The following KAZN variants were observed in gnomAD, a reference collection of about 807,000 sequenced individuals.
KAZN encodes the protein kazrin.
In KAZN, 40 loss-of-function variants were observed where a neutral mutation model predicts 87.4. The ratio of observed to expected loss-of-function variants is 0.46; its 90% CI spans 0.36 to 0.60. KAZN has a LOEUF of 0.60. Among genes scored for constraint, KAZN ranks in the 20% least tolerant of loss-of-function variants. The probability of loss-of-function intolerance (pLI) is 0.00; values close to 1 mark genes in which losing one functional copy is unlikely to be tolerated. For synonymous variants in KAZN, 466 were observed against 458.3 expected, an observed-to-expected ratio of 1.02 and a Z score of -0.22; for missense variants, 898 against 1,073.9, an observed-to-expected ratio of 0.84 and a Z score of 2.29.
chr1:14,206,730 T>C (rs1178328231), intron 2 of KAZN, among the ~76,000 whole-genome samples: 3 of 150,586 alleles, frequency 2.0e-5, no homozygotes, highest in Admixed American at 2.0e-4. Flanking sequence ...TTCCCTATTC[T>C]GAGAAGCACT....
chr1:14,239,129 G>A (rs1648691718), intron 2 of KAZN, among the ~76,000 whole-genome samples: 1 of 152,116 alleles, frequency 6.6e-6, no homozygotes, highest in African/African-American at 2.4e-5. Flanking sequence ...GATTACGTAA[G>A]CCAAAAACCT....
chr1:14,873,350 T>A (rs1652397974), intron 1 of KAZN, among the ~76,000 whole-genome samples: 1 of 152,246 alleles, frequency 6.6e-6, no homozygotes. Context: ...AAAGAATTTC[T>A]AGTAGCAGTA....
intron 1 of KAZN, among the ~76,000 whole-genome samples, chr1:14,756,371 G>A (rs1228948924): frequency 1.3e-5 from 2 of 152,186 alleles, no homozygotes; most frequent in Admixed American, 6.5e-5. Context: ...GCCAGCTCTA[G>A]TCTTCTGTCA....
chr1:14,156,137 G>A (rs994083169), intron 1 of KAZN, among the ~76,000 whole-genome samples: 4 of 151,936 alleles, frequency 2.6e-5, no homozygotes, highest in East Asian at 1.9e-4. Context: ...CCATGTATTC[G>A]TATAGTTTCC....
intron 2 of KAZN, among the ~76,000 whole-genome samples, chr1:14,374,196 A>G (rs977373023): frequency 4.6e-5 from 7 of 152,222 alleles, no homozygotes; most frequent in African/African-American, 1.7e-4. Flanking sequence ...GTTTAAGATC[A>G]ACAAAATCCC....
At chr1:14,167,303 G>A (rs1012531692) in intron 1 of KAZN, among the ~76,000 whole-genome samples, 1 of 152,194 alleles carries the variant, frequency 6.6e-6, no homozygotes, top group Non-Finnish European at 1.5e-5. Flanking sequence ...TTATCCTAGA[G>A]AGAATCGCCT....
At chr1:14,513,707 C>A (rs187979040) in intron 2 of KAZN, among the ~76,000 whole-genome samples, 1 of 152,016 alleles carries the variant, frequency 6.6e-6, no homozygotes, top group East Asian at 1.9e-4. Context: ...AAAATTGGGA[C>A]CTTATTTCAA....
chr1:14,264,893 T>A (rs1651352504), intron 2 of KAZN, among the ~76,000 whole-genome samples: 1 of 152,222 alleles, frequency 6.6e-6, no homozygotes, highest in Non-Finnish European at 1.5e-5. Context: ...CTCTATATTT[T>A]AAGGTCTGTA....
intron 2 of KAZN, among the ~76,000 whole-genome samples, chr1:14,569,018 CTGAA>C (rs1257418215): frequency 6.6e-6 from 1 of 152,154 alleles, no homozygotes; most frequent in East Asian, 1.9e-4. Context: ...TGAACGTTTG[CTGAA>C]TGAAGGAGCT....
chr1:14,562,778 G>T (rs1231654737), intron 2 of KAZN, among the ~76,000 whole-genome samples: 1 of 152,202 alleles, frequency 6.6e-6, no homozygotes, highest in Non-Finnish European at 1.5e-5. Context: ...ACTTACAGTA[G>T]ATGTTTATTA....
chr1:14,126,389 C>T (rs1014224675), intron 1 of KAZN, among the ~76,000 whole-genome samples: 1 of 138,370 alleles, frequency 7.2e-6, no homozygotes, highest in Non-Finnish European at 1.5e-5. Context: ...TTATTTATTA[C>T]ATTTTAAGAC....
intron 2 of KAZN, among the ~76,000 whole-genome samples, chr1:15,022,616 A>G (rs1396121761): frequency 6.6e-6 from 1 of 152,186 alleles, no homozygotes; most frequent in Non-Finnish European, 1.5e-5. Context: ...GAGCCCACAG[A>G]CATGGCTGGA....
intron 2 of KAZN, among the ~76,000 whole-genome samples, chr1:14,376,074 G>A (rs1445671714): frequency 3.3e-5 from 5 of 152,124 alleles, no homozygotes; most frequent in Non-Finnish European, 5.9e-5. Context: ...GCAAGCAACA[G>A]AAAAGAGGAG....
At chr1:13,963,389 G>A (rs56895065) in intron 1 of KAZN, among the ~76,000 whole-genome samples, 18,982 of 152,202 alleles carry the variant, frequency 0.12, 1,354 homozygotes, top group Middle Eastern at 0.22. Context: ...CTGCAGAAGT[G>A]CTTGTTGGAT....
chr1:14,277,364 G>A (rs930765005), intron 2 of KAZN, among the ~76,000 whole-genome samples: 3 of 151,974 alleles, frequency 2.0e-5, no homozygotes, highest in East Asian at 3.9e-4. Flanking sequence ...AAACCTATAC[G>A]AGTTAGAAAC....
intron 1 of KAZN, among the ~76,000 whole-genome samples, chr1:13,967,029 T>C (rs1641971551): frequency 6.6e-6 from 1 of 152,222 alleles, no homozygotes; most frequent in Non-Finnish European, 1.5e-5. Context: ...AGCTAGACTT[T>C]AAACTTCTTA....
intron 1 of KAZN, among the ~76,000 whole-genome samples, chr1:14,698,016 A>G (rs371762764): frequency 1.3e-5 from 2 of 152,294 alleles, no homozygotes; most frequent in East Asian, 3.9e-4. Context: ...TCGGGAGTAT[A>G]AGGCAAGATT....
intron 1 of KAZN, among the ~76,000 whole-genome samples, chr1:14,075,098 A>C (rs989115434): frequency 6.6e-6 from 1 of 152,192 alleles, no homozygotes; most frequent in East Asian, 1.9e-4. Flanking sequence ...CAGGAATGAA[A>C]TATTTGGCTC....
At chr1:15,048,143 C>T (rs1477496266) in intron 4 of KAZN, among the ~76,000 whole-genome samples, 3 of 152,212 alleles carry the variant, frequency 2.0e-5, no homozygotes, top group Non-Finnish European at 2.9e-5. Context: ...CATCGTCCCT[C>T]CCCCCATGTC....
Sources: allele counts gnomAD v4.1 joint callset (sites outside exome capture counted in the v4.1 genomes callset), GRCh38; gene constraint gnomAD v4.1.1; transcripts MANE v1.5; gene names NCBI Gene and HGNC (gene_info 2026-07-23, HGNC 2026-07-21).